Variants in GRIA1 observed in about 807,000 individuals in gnomAD.
GRIA1 encodes glutamate receptor 1.
A neutral mutation model predicts 99.2 loss-of-function variants in GRIA1; 31 were observed. The observed-to-expected ratio is 0.31, with a 90% CI of 0.23 to 0.42. The LOEUF (loss-of-function observed/expected upper bound fraction) is 0.42, where lower values mean the gene tolerates loss of function less well. Ranked by LOEUF, GRIA1 falls within the 10% of genes least tolerant of loss-of-function variation. The probability of loss-of-function intolerance (pLI) is 1.00; values close to 1 mark genes in which losing one functional copy is unlikely to be tolerated. For missense variants in GRIA1, 782 were observed against 1,157.5 expected, an observed-to-expected ratio of 0.68 and a Z score of 4.71; for synonymous variants, 438 against 432.4, an observed-to-expected ratio of 1.01 and a Z score of -0.16.
chr5:153,808,887 G>A (rs534525027), intron 15 of GRIA1, among the ~76,000 whole-genome samples: 4 of 152,312 alleles, frequency 2.6e-5, no homozygotes, highest in East Asian at 3.9e-4. Context: ...TGTGACCTTC[G>A]AGATTTTTAG....
chr5:153,562,711 A>AG (rs1561644219), intron 2 of GRIA1, among the ~76,000 whole-genome samples: 1 of 152,168 alleles, frequency 6.6e-6, no homozygotes, highest in African/African-American at 2.4e-5. Flanking sequence ...GAGTGAGTGA[A>AG]TGATTGAATC....
intron 2 of GRIA1, among the ~76,000 whole-genome samples, chr5:153,597,048 T>A (rs1764497214): frequency 6.6e-6 from 1 of 152,160 alleles, no homozygotes; most frequent in Non-Finnish European, 1.5e-5. Flanking sequence ...CTGCTAGGAA[T>A]GAAGCAGAGA....
At chr5:153,492,546 T>G (rs1437405111) in intron 1 of GRIA1, among the ~76,000 whole-genome samples, 1 of 152,202 alleles carries the variant, frequency 6.6e-6, no homozygotes, top group African/African-American at 2.4e-5. Flanking sequence ...ATGGGAGCAC[T>G]TGTACATGTG....
chr5:153,770,216 G>A lies in GRIA1; in HGVS notation c.2071G>A (p.Ala691Thr). Reference sequence around the variant, plus strand: ...GAAGATGTGGACATACATGAAGTCAGCAGAGCCATCAGTTTTTGTGCGGAC... The same window carrying A: ...GAAGATGTGGACATACATGAAGTCAACAGAGCCATCAGTTTTTGTGCGGAC... ...FEKMWTYMKSAEPSVFVRTTE... is the reference protein window; with the variant it reads ...FEKMWTYMKSTEPSVFVRTTE... The change falls in exon 13 of 16, where the codon GCA becomes ACA. Residue 691 changes from alanine to threonine, a missense_variant. By Grantham distance (58) the Ala-to-Thr change is moderately conservative. Transcript: ENST00000285900. 6.2e-7 allele frequency: 1 copy of A among 1,613,840 alleles called. No individual in the cohort carries two copies. The highest frequency in any genetic ancestry group is 1.1e-5 in the South Asian group (1 of 91,070).
chr5:153,655,786 G>GAGTCTCCACCT (rs1754900572), intron 4 of GRIA1, 33 bp from the exon 5 acceptor site: 6 of 1,593,022 alleles, frequency 3.8e-6, no homozygotes, highest in Admixed American at 1.7e-5. Flanking sequence ...CTGTTAGTAT[G>GAGTCTCCACCT]ATTAATGAGT....
intron 11 of GRIA1, among the ~76,000 whole-genome samples, chr5:153,718,913 C>T (rs1227529084): frequency 6.6e-6 from 1 of 152,148 alleles, no homozygotes; most frequent in Middle Eastern, 3.2e-3. Context: ...CTCATCCCAT[C>T]CCAGTGTTAT....
chr5:153,808,342 T>G (rs1297449207), intron 15 of GRIA1, among the ~76,000 whole-genome samples: 1 of 150,310 alleles, frequency 6.7e-6, no homozygotes, highest in Non-Finnish European at 1.5e-5. Context: ...TCCCAAAGGC[T>G]AGGGGAGAAG....
Position 153,705,920 on chromosome 5 carries a change from G to T in GRIA1, c.1676G>T (p.Arg559Leu). 6.2e-7 allele frequency: 1 copy of T among 1,613,848 alleles called. No homozygotes were observed. The highest frequency in any genetic ancestry group is 8.5e-7 in the Non-Finnish European group (1 of 1,179,958). The change falls in exon 11 of 16, where the codon CGC becomes CTC. Residue 559 changes from arginine (R) to leucine (L), a missense_variant. Arg to Leu is a moderately radical substitution (Grantham distance 102). This residue lies in a region of GRIA1 where 39 missense variants were observed against 43.5 expected (regional missense o/e 0.90). Transcript: ENST00000285900. ...AGTGTTGTCCTCTTCCTGGTCAGCC[G>T]CTTCAGTCCCTATGAATGGCACAGT... ...GVSVVLFLVS[R>L]FSPYEWHSEE... is the part of the protein sequence containing the mutation.
intron 2 of GRIA1, among the ~76,000 whole-genome samples, chr5:153,613,138 T>C (rs912818384): frequency 1.3e-5 from 2 of 150,810 alleles, no homozygotes; most frequent in African/African-American, 4.8e-5. Flanking sequence ...AAATTTCTGT[T>C]CCAGGGAGTA....
chr5:153,778,692 C>T (rs1181806188), intron 13 of GRIA1, among the ~76,000 whole-genome samples: 3 of 151,236 alleles, frequency 2.0e-5, no homozygotes, highest in South Asian at 2.1e-4. Flanking sequence ...CACACATACA[C>T]GCACACACAC....
At chr5:153,656,977 C>A (rs1755006929) in intron 5 of GRIA1, among the ~76,000 whole-genome samples, 1 of 152,152 alleles carries the variant, frequency 6.6e-6, no homozygotes, top group Non-Finnish European at 1.5e-5. Flanking sequence ...TTGTAATTGA[C>A]TTCTTTCACT....
chr5:153,776,139 A>G (rs926908354), intron 13 of GRIA1, among the ~76,000 whole-genome samples: 2 of 152,158 alleles, frequency 1.3e-5, no homozygotes, highest in African/African-American at 2.4e-5. Flanking sequence ...CAGAGAGAGG[A>G]GGATCACAGG....
chr5:153,492,315 G>A (rs752529742), intron 1 of GRIA1: 39 of 1,531,182 alleles, frequency 2.5e-5, no homozygotes, highest in South Asian at 3.6e-5. Flanking sequence ...AAGTGTGTAC[G>A]TATCTGTGTG....
chr5:153,803,573 A>G (rs1453316262), intron 15 of GRIA1, among the ~76,000 whole-genome samples: 6 of 152,242 alleles, frequency 3.9e-5, no homozygotes, highest in Non-Finnish European at 8.8e-5. Context: ...GAAGGCTTCC[A>G]GGAAGATGCC....
intron 2 of GRIA1, among the ~76,000 whole-genome samples, chr5:153,584,707 G>A (rs1309821191): frequency 6.6e-6 from 1 of 152,148 alleles, no homozygotes; most frequent in East Asian, 1.9e-4. Context: ...GAAATATGAA[G>A]CCTGTTATGT....
intron 15 of GRIA1, 129 bp from the exon 16 acceptor site, chr5:153,810,896 G>A (rs543325604): frequency 8.8e-5 from 61 of 695,884 alleles, no homozygotes; most frequent in South Asian, 6.4e-4. Flanking sequence ...CAGAATTAGC[G>A]TTGTAGAATA....
At chr5:153,763,529 T>C (rs1763317351) in intron 11 of GRIA1, among the ~76,000 whole-genome samples, 1 of 152,180 alleles carries the variant, frequency 6.6e-6, no homozygotes, top group Non-Finnish European at 1.5e-5. Context: ...GAAATGCAAA[T>C]AACTTTACCA....
chr5:153,762,562 C>T (rs6580039), intron 11 of GRIA1, among the ~76,000 whole-genome samples: 89,943 of 151,976 alleles, frequency 0.59, 27,324 homozygotes, highest in East Asian at 0.94. Context: ...TAATGGAATT[C>T]GTATATCCTG....
At chr5:153,547,903 G>A (rs979147964) in intron 2 of GRIA1, among the ~76,000 whole-genome samples, 4 of 152,064 alleles carry the variant, frequency 2.6e-5, no homozygotes, top group African/African-American at 9.7e-5. Flanking sequence ...GTATAGAGGG[G>A]CTATACTAGG....
Sources: gnomAD v4.1 joint callset for allele counts (sites outside exome capture counted in the v4.1 genomes callset) on GRCh38, gnomAD v4.1.1 for gene constraint, gnomAD v4.1.1 regional missense constraint, MANE v1.5 for transcripts, NCBI Gene and HGNC (gene_info 2026-07-23, HGNC 2026-07-21) for gene names.